The following KHDRBS2 variants were observed in gnomAD, a reference collection of about 807,000 sequenced individuals.
KHDRBS2 encodes KH RNA binding domain containing, signal transduction associated 2.
KHDRBS2 carries 26 observed loss-of-function variants against 44.3 expected under a neutral mutation model. That is an observed-to-expected ratio of 0.59 (90% confidence interval 0.43 to 0.81). KHDRBS2 has a LOEUF of 0.81. KHDRBS2 is among the 40% of genes least tolerant of loss of function. The probability of loss-of-function intolerance (pLI) is 0.00; values close to 1 mark genes in which losing one functional copy is unlikely to be tolerated. For synonymous variants in KHDRBS2, 194 were observed against 151.1 expected (o/e 1.28, Z -2.08); for missense variants, 476 against 433.1 (o/e 1.10, Z -0.88).
chr6:62,040,209 AAAACT>A (rs760341912), intron 3 of KHDRBS2, among the ~76,000 whole-genome samples: 1 of 152,022 alleles, frequency 6.6e-6, no homozygotes, highest in Non-Finnish European at 1.5e-5. Context: ...AATACAGAAC[AAAACT>A]AAACTAAAAA....
At chr6:62,228,628 T>C (rs1409124833) in intron 1 of KHDRBS2, among the ~76,000 whole-genome samples, 2 of 152,208 alleles carry the variant, frequency 1.3e-5, no homozygotes, top group African/African-American at 4.8e-5. Context: ...GATATTATGC[T>C]GTTGATTTGA....
At chr6:62,108,985 A>G (rs1275334215) in intron 2 of KHDRBS2, among the ~76,000 whole-genome samples, 1 of 152,078 alleles carries the variant, frequency 6.6e-6, no homozygotes. Flanking sequence ...ATTAGGAGAT[A>G]TACCTAATGC....
chr6:62,074,451 A>G (rs1393390039), intron 2 of KHDRBS2, among the ~76,000 whole-genome samples: 1 of 151,834 alleles, frequency 6.6e-6, no homozygotes, highest in Non-Finnish European at 1.5e-5. Flanking sequence ...GGCTTTCCAA[A>G]TAAACATAAT....
At chr6:61,720,424 T>A (rs1772257210) in intron 7 of KHDRBS2, among the ~76,000 whole-genome samples, 2 of 151,946 alleles carry the variant, frequency 1.3e-5, no homozygotes. Context: ...TTTCTCCACA[T>A]CCTCTCCAGC....
rs112770273 is a variant in KHDRBS2 at position 61,699,652 on chromosome 6, G to A, written c.894-2399C>T. Among the ~76,000 whole-genome samples, 269 of 152,002 alleles carry A rather than the reference G, an allele frequency of 1.8e-3. 1 individual carries two copies. The highest frequency in any genetic ancestry group is 6.1e-3 in the African/African-American group (253 of 41,488). ...AATTCCATAGGTCTCATTATTTTAA[G>A]TACTTTTGATTTTATTGATAGTAAA... On this transcript the variant is annotated intron_variant, in intron 7 of 8. Coordinates refer to ENST00000281156, the MANE Select transcript of KHDRBS2 (RefSeq NM_152688.4).
intron 6 of KHDRBS2, among the ~76,000 whole-genome samples, chr6:61,769,925 G>A (rs1780593801): frequency 6.6e-6 from 1 of 152,188 alleles, no homozygotes; most frequent in African/African-American, 2.4e-5. Context: ...GCCTAACTGG[G>A]AGGCACCCCC....
chr6:62,218,513 A>G (rs1165693726), intron 1 of KHDRBS2, among the ~76,000 whole-genome samples: 7 of 151,892 alleles, frequency 4.6e-5, no homozygotes, highest in Admixed American at 4.6e-4. Flanking sequence ...AAAAAGACAG[A>G]TATCAAATAT....
At chr6:61,975,678 CACAG>C (rs1437721012) in intron 4 of KHDRBS2, among the ~76,000 whole-genome samples, 3 of 141,592 alleles carry the variant, frequency 2.1e-5, no homozygotes, top group African/African-American at 2.6e-5. Flanking sequence ...CACACACACA[CACAG>C]AGAGATATAA....
In KHDRBS2 at chr6:61,721,665, T is replaced by G. The variant is rs1772576597; in HGVS notation, c.893+11017A>C. Among the ~76,000 whole-genome samples the G allele has an allele frequency of 1.6e-5, 2 of 123,932 alleles. 1 individual carries two copies. Among genetic ancestry groups the G allele is most frequent in the South Asian group, 5.1e-4 (2 of 3,924 alleles). The allele number at this position is 123,932 out of a possible 152,430, so 81.3% of individuals were successfully genotyped here. A position where few individuals can be genotyped will look rare whatever the true frequency, so the allele number is the denominator to read the frequency against. On this transcript the variant is annotated intron_variant, in intron 7 of 8. Coordinates refer to ENST00000281156, the MANE Select transcript of KHDRBS2 (RefSeq NM_152688.4). ...ACTTTGCTGAAGTTGCTTATCAGCTTAAGGAGATTTTGGGCTGAGACGATG... is the reference window on the plus strand; with the variant it reads ...ACTTTGCTGAAGTTGCTTATCAGCTGAAGGAGATTTTGGGCTGAGACGATG...
At chr6:61,667,905 T>A in the KHDRBS2 span, among the ~76,000 whole-genome samples, 7 of 151,330 alleles carry the variant, frequency 4.6e-5, no homozygotes, top group African/African-American at 1.7e-4. Context: ...TATTCAAATA[T>A]CTTGGAATTA....
chr6:62,096,538 C>T (rs1052513876), intron 2 of KHDRBS2, among the ~76,000 whole-genome samples: 1 of 151,650 alleles, frequency 6.6e-6, no homozygotes, highest in Non-Finnish European at 1.5e-5. Flanking sequence ...TCTAGTGATT[C>T]TTTGTATTTC....
At chr6:61,612,839 C>CTTTTT in the KHDRBS2 span, among the ~76,000 whole-genome samples, 36 of 77,434 alleles carry the variant, frequency 4.6e-4, 1 homozygote, top group African/African-American at 1.7e-3. Flanking sequence ...AAAATGCAGC[C>CTTTTT]TTTTTTTTTT....
At chr6:61,838,278 G>C (rs1267048796) in intron 6 of KHDRBS2, among the ~76,000 whole-genome samples, 3 of 151,856 alleles carry the variant, frequency 2.0e-5, no homozygotes, top group African/African-American at 7.2e-5. Context: ...CAATTTTTGA[G>C]ATGTTCAAAT....
At chr6:62,250,580 C>T (rs1836350313) in intron 1 of KHDRBS2, among the ~76,000 whole-genome samples, 1 of 151,910 alleles carries the variant, frequency 6.6e-6, no homozygotes, top group Non-Finnish European at 1.5e-5. Flanking sequence ...AGAGCCCTTG[C>T]TTTTAGCAAA....
At chr6:62,265,211 A>G (rs932530081) in intron 1 of KHDRBS2, among the ~76,000 whole-genome samples, 1 of 151,988 alleles carries the variant, frequency 6.6e-6, no homozygotes, top group African/African-American at 2.4e-5. Context: ...TTATCTAGAA[A>G]ATGAGCTATT....
chr6:62,025,649 T>G (rs1310668497), intron 3 of KHDRBS2, among the ~76,000 whole-genome samples: 1 of 152,014 alleles, frequency 6.6e-6, no homozygotes, highest in African/African-American at 2.4e-5. Context: ...TAATACTTTT[T>G]TTGGTAGTAT....
intron 3 of KHDRBS2, among the ~76,000 whole-genome samples, chr6:62,031,465 T>C (rs1356501971): frequency 6.6e-6 from 1 of 152,042 alleles, no homozygotes; most frequent in Non-Finnish European, 1.5e-5. Context: ...ATTCCAGGAC[T>C]TGAATCTTAA....
chr6:61,967,416 CAGAT>C lies in KHDRBS2; in HGVS notation c.483+10646_483+10649del, dbSNP rs529926821. Among the ~76,000 whole-genome samples, 114 of 139,350 alleles carry C rather than the reference CAGAT, an allele frequency of 8.2e-4. No individual in the cohort carries two copies. The East Asian group carries it at 9.7e-3, about 12-fold the overall frequency. The allele number at this position is 139,350 out of a possible 152,430, so 91.4% of individuals were successfully genotyped here. A position where few individuals can be genotyped will look rare whatever the true frequency, so the allele number is the denominator to read the frequency against. ...TGAAGATAGATGATAGATAGATAGA[CAGAT>C]AGATAGACAGATGGATAGATTGATA... is the stretch of plus-strand genomic sequence containing the variant. On this transcript the variant is annotated intron_variant, in intron 4 of 8. Coordinates refer to ENST00000281156, the MANE Select transcript of KHDRBS2 (RefSeq NM_152688.4).
intron 2 of KHDRBS2, among the ~76,000 whole-genome samples, chr6:62,173,800 A>ACC: frequency 6.6e-6 from 1 of 151,896 alleles, no homozygotes; most frequent in Non-Finnish European, 1.5e-5. Flanking sequence ...CACACAAATT[A>ACC]AAATAAAAAA....
Sources: allele counts gnomAD v4.1 joint callset (sites outside exome capture counted in the v4.1 genomes callset), GRCh38; gene constraint gnomAD v4.1.1; transcripts MANE v1.5; gene names NCBI Gene and HGNC (gene_info 2026-07-23, HGNC 2026-07-21).